The following AGXT2 variants were observed in gnomAD, a reference collection of about 807,000 sequenced individuals.
AGXT2 encodes alanine--glyoxylate aminotransferase 2, mitochondrial.
Under a neutral mutation model 62.5 loss-of-function variants are expected in AGXT2, and 61 were observed. The ratio of observed to expected loss-of-function variants is 0.98; its 90% CI spans 0.79 to 1.21. The LOEUF (loss-of-function observed/expected upper bound fraction) is 1.21, where lower values mean the gene tolerates loss of function less well. AGXT2 is among the 50% of genes most tolerant of loss of function. The probability of loss-of-function intolerance (pLI) is 0.00; values close to 1 mark genes in which losing one functional copy is unlikely to be tolerated. For synonymous variants in AGXT2, 243 were observed against 218.7 expected (o/e 1.11, Z -0.98); for missense variants, 666 against 641.5 (o/e 1.04, Z -0.41).
Position 35,003,763 on chromosome 5 carries a change from C to A in AGXT2, c.1437G>T (p.Gln479His). 1.2e-6 allele frequency: 2 copies of A among 1,613,358 alleles called. No individual in the cohort carries two copies. The highest frequency in any genetic ancestry group is 1.7e-6 in the Non-Finnish European group (2 of 1,179,380). Residue 479 changes from glutamine to histidine, a missense_variant and splice_region_variant, in exon 13 of 14, where the codon CAG becomes CAT. By Grantham distance (24) the Gln-to-His change is conservative. Transcript: ENST00000231420. ...LLVGRGSIFS[Q>H]TFRIAPSMCI... ...AGGTAAAAACCAGTCTTTCTCTTACCTGAGAAAAAATGCTGCCTCTGCCAA... is the reference window on the plus strand; with the variant it reads ...AGGTAAAAACCAGTCTTTCTCTTACATGAGAAAAAATGCTGCCTCTGCCAA...
intron 2 of AGXT2, among the ~76,000 whole-genome samples, chr5:35,039,904 A>C (rs1767919117): frequency 6.6e-6 from 1 of 152,214 alleles, no homozygotes; most frequent in Admixed American, 6.5e-5. Flanking sequence ...ATGAAGTGCT[A>C]GTCGTGTTTG....
intron 12 of AGXT2, among the ~76,000 whole-genome samples, chr5:35,008,569 T>C (rs1766514791): frequency 6.6e-6 from 1 of 152,244 alleles, no homozygotes; most frequent in Non-Finnish European, 1.5e-5. Flanking sequence ...TTCTCCATTG[T>C]AGAATGCATG....
chr5:35,032,664 G>A (rs237252), intron 7 of AGXT2, 68 bp downstream of exon 7: 886,767 of 1,319,228 alleles, frequency 0.67, 299,507 homozygotes, highest in South Asian at 0.76. Flanking sequence ...CTCAGGGATG[G>A]GTCTGCCTTT....
intron 7 of AGXT2, among the ~76,000 whole-genome samples, chr5:35,031,382 A>C (rs913254867): frequency 3.3e-5 from 5 of 152,094 alleles, no homozygotes; most frequent in Non-Finnish European, 5.9e-5. Flanking sequence ...CTATTATGTC[A>C]TCTGAATTTT....
chr5:35,017,868 A>T (rs1371794810), intron 9 of AGXT2, among the ~76,000 whole-genome samples: 2 of 152,200 alleles, frequency 1.3e-5, no homozygotes, highest in Non-Finnish European at 2.9e-5. Context: ...CAATAAAGAG[A>T]AGTGCTTAAA....
chr5:35,040,691 A>G, intron 1 of AGXT2, 28 bp from the exon 2 acceptor site: 1 of 1,558,566 alleles, frequency 6.4e-7, no homozygotes, highest in Non-Finnish European at 8.9e-7. Context: ...TAGAATCCTC[A>G]ACTAAGCATG....
chr5:35,039,112 C>T (rs547129918), intron 3 of AGXT2, among the ~76,000 whole-genome samples: 25 of 152,192 alleles, frequency 1.6e-4, no homozygotes, highest in East Asian at 7.7e-4. Flanking sequence ...ACTACATGTG[C>T]CATGAGAATA....
Position 35,032,763 on chromosome 5 carries a change from C to T in AGXT2, c.738G>A (p.Val246=), listed in dbSNP as rs1247779384. The change falls in exon 7 of 14, where the codon GTG becomes GTA. Residue 246 remains valine, a synonymous_variant. Coordinates refer to ENST00000231420, the MANE Select transcript of AGXT2 (RefSeq NM_031900.4). ...CACAGCTGCACTTCCTGATTGTTTG[C>T]ACTGGAGAATCTCGACAGTGGCTTC... is the stretch of plus-strand genomic sequence containing the variant. The part of the protein sequence containing the change: ...WGGSHCRDSP[V]QTIRKCSCAP... 6.2e-7 allele frequency: 1 copy of T among 1,609,698 alleles called. No homozygotes were observed. Among genetic ancestry groups the T allele is most frequent in the Admixed American group, 1.7e-5 (1 of 59,512 alleles).
chr5:35,047,784 G>C (rs371491139), intron 1 of AGXT2, 21 bp downstream of exon 1: 3 of 1,613,512 alleles, frequency 1.9e-6, no homozygotes, highest in Non-Finnish European at 2.5e-6. Context: ...ACTGACCCAC[G>C]TCCCCCTGGT....
At chr5:35,019,300 C>G (rs1421549801) in intron 9 of AGXT2, among the ~76,000 whole-genome samples, 1 of 149,306 alleles carries the variant, frequency 6.7e-6, no homozygotes, top group Admixed American at 6.7e-5. Context: ...CACACCTATT[C>G]AAAAATTGAC....
At chr5:34,999,939 G>A (rs1323639380) in intron 13 of AGXT2, among the ~76,000 whole-genome samples, 2 of 152,136 alleles carry the variant, frequency 1.3e-5, no homozygotes, top group Non-Finnish European at 2.9e-5. Context: ...AAACAAGCAG[G>A]CTTAAAGCTC....
At chr5:35,009,509 T>C (rs970478611) in intron 12 of AGXT2, among the ~76,000 whole-genome samples, 7 of 152,112 alleles carry the variant, frequency 4.6e-5, no homozygotes, top group Non-Finnish European at 5.9e-5. Flanking sequence ...GGCTCGAGAA[T>C]AGCTTGAACC....
At chr5:35,040,158 C>T (rs1204160790) in intron 2 of AGXT2, among the ~76,000 whole-genome samples, 2 of 152,080 alleles carry the variant, frequency 1.3e-5, no homozygotes, top group Non-Finnish European at 2.9e-5. Flanking sequence ...TTTTATTAGC[C>T]TGAGAACAAA....
At position 35,026,525 on chromosome 5, in the gene AGXT2, C is replaced by T; in HGVS notation, c.770-15G>A. On this transcript the variant is annotated splice_polypyrimidine_tract_variant and intron_variant, in intron 7 of 13. Coordinates refer to ENST00000231420, the MANE Select transcript of AGXT2 (RefSeq NM_031900.4). The stretch of plus-strand genomic sequence containing the variant: ...TTGGCAGCAGTCTGCAAAAAGCAAA[C>T]AACAAAACAAAACAAACCACAGCAT... 2 of 1,585,234 alleles carry T rather than the reference C, an allele frequency of 1.3e-6. No homozygotes were observed. Among genetic ancestry groups the T allele is most frequent in the South Asian group, 1.1e-5 (1 of 90,516 alleles).
At chr5:35,035,928 T>C (rs185525101) in intron 4 of AGXT2, among the ~76,000 whole-genome samples, 77 of 152,064 alleles carry the variant, frequency 5.1e-4, no homozygotes, top group Non-Finnish European at 8.1e-4. Context: ...GATACAAAAA[T>C]TAGCCAGGTG....
At chr5:35,002,168 G>A (rs1766250418) in intron 13 of AGXT2, among the ~76,000 whole-genome samples, 1 of 151,944 alleles carries the variant, frequency 6.6e-6, no homozygotes, top group Non-Finnish European at 1.5e-5. Context: ...ATTAAATTAT[G>A]TTATCTGGTT....
chr5:35,035,947 G>A (rs1361759238), intron 4 of AGXT2, among the ~76,000 whole-genome samples: 1 of 152,022 alleles, frequency 6.6e-6, no homozygotes, highest in African/African-American at 2.4e-5. Flanking sequence ...TGTGGTGGTG[G>A]GCACCTGTAA....
At chr5:35,038,786 G>A (rs1334906834) in intron 3 of AGXT2, among the ~76,000 whole-genome samples, 1 of 152,178 alleles carries the variant, frequency 6.6e-6, no homozygotes, top group African/African-American at 2.4e-5. Context: ...CTGTGTGGGC[G>A]AGTATACCGT....
At chr5:35,020,390 T>C (rs1203702231) in intron 9 of AGXT2, among the ~76,000 whole-genome samples, 1 of 152,216 alleles carries the variant, frequency 6.6e-6, no homozygotes, top group Non-Finnish European at 1.5e-5. Flanking sequence ...CAAGAGGGCT[T>C]CATCCCTGGG....
Sources: gnomAD v4.1 joint callset for allele counts (sites outside exome capture counted in the v4.1 genomes callset) on GRCh38, gnomAD v4.1.1 for gene constraint, MANE v1.5 for transcripts, NCBI Gene and HGNC (gene_info 2026-07-23, HGNC 2026-07-21) for gene names.